Variants in PBX1 observed in about 807,000 individuals in gnomAD.
PBX1 encodes the protein pre-B-cell leukemia transcription factor 1.
A neutral mutation model predicts 53.4 loss-of-function variants in PBX1; 6 were observed. That is an observed-to-expected ratio of 0.11 (90% CI 0.06 to 0.22). The LOEUF is 0.22. Ranked by LOEUF, PBX1 falls within the 10% of genes least tolerant of loss-of-function variation. The pLI, the probability that PBX1 is intolerant of heterozygous loss-of-function variation, is 1.00. For synonymous variants in PBX1, 204 were observed against 212.3 expected, an observed-to-expected ratio of 0.96 and a Z score of 0.34; for missense variants, 251 against 551.4, an observed-to-expected ratio of 0.46 and a Z score of 5.46.
intron 1 of PBX1, chr1:164,562,796 C>T (rs1379489944): frequency 6.6e-6 from 1 of 152,412 alleles, no homozygotes; most frequent in Admixed American, 6.5e-5. Context: ...TGAATTCGAA[C>T]ACATGGATGA....
chr1:164,785,824 G>A (rs1027861299), intron 2 of PBX1, among the ~76,000 whole-genome samples: 1 of 152,180 alleles, frequency 6.6e-6, no homozygotes, highest in African/African-American at 2.4e-5. Flanking sequence ...CCCTCACAGA[G>A]TGCTTCTTCC....
At position 164,762,296 on chromosome 1, in the gene PBX1, T is replaced by C. The variant is rs76161257; in HGVS notation, c.266-30198T>C. Among the ~76,000 whole-genome samples, 312 of 152,258 alleles carry C rather than the reference T, an allele frequency of 2.0e-3. 5 individuals carry two copies. The East Asian group carries it at 0.043, about 21-fold the overall frequency. On this transcript the variant is annotated intron_variant, in intron 2 of 8. Transcript: ENST00000420696. The stretch of plus-strand genomic sequence containing the variant: ...TAAGAGCTCTGATGCCCTAGGTCAA[T>C]ACAGGTTGGCAGAAGCAGCATAGTT...
chr1:164,870,836 G>A (rs1169012110), intron 2 of PBX1, among the ~76,000 whole-genome samples: 1 of 152,160 alleles, frequency 6.6e-6, no homozygotes, highest in Non-Finnish European at 1.5e-5. Context: ...CAGGGTTCCA[G>A]TGGGAGGCCA....
At chr1:164,789,711 C>A (rs1668395601) in intron 2 of PBX1, among the ~76,000 whole-genome samples, 1 of 152,216 alleles carries the variant, frequency 6.6e-6, no homozygotes, top group African/African-American at 2.4e-5. Context: ...TGTTGGGCCG[C>A]ATGCAGGACC....
chr1:164,780,454 C>T (rs1296264147), intron 2 of PBX1, among the ~76,000 whole-genome samples: 1 of 152,154 alleles, frequency 6.6e-6, no homozygotes, highest in African/African-American at 2.4e-5. Flanking sequence ...AATTTGAATG[C>T]TCGCACTCAA....
chr1:164,785,216 G>C (rs1048182421), intron 2 of PBX1, among the ~76,000 whole-genome samples: 27 of 152,130 alleles, frequency 1.8e-4, no homozygotes, highest in African/African-American at 6.5e-4. Context: ...ATGCTGACTT[G>C]TAAAATTTAG....
At chr1:164,643,745 T>C (rs992972910) in intron 2 of PBX1, among the ~76,000 whole-genome samples, 4 of 152,242 alleles carry the variant, frequency 2.6e-5, no homozygotes, top group African/African-American at 7.2e-5. Flanking sequence ...AGAAGCAAAG[T>C]TATCACATAT....
chr1:164,838,847 C>G (rs974090036), intron 8 of PBX1, among the ~76,000 whole-genome samples: 2 of 152,190 alleles, frequency 1.3e-5, no homozygotes, highest in Non-Finnish European at 2.9e-5. Context: ...TCAAAGCCAT[C>G]ATTTCTCCTT....
chr1:164,672,548 A>G (rs1305171036), intron 2 of PBX1, among the ~76,000 whole-genome samples: 1 of 152,190 alleles, frequency 6.6e-6, no homozygotes, highest in Non-Finnish European at 1.5e-5. Context: ...GTTGAGTCTT[A>G]GAGGTTCTTG....
At chr1:164,795,726 TATC>T (rs1363990643) in intron 3 of PBX1, among the ~76,000 whole-genome samples, 1 of 152,180 alleles carries the variant, frequency 6.6e-6, no homozygotes, top group African/African-American at 2.4e-5. Context: ...GTCTGAGAGA[TATC>T]TTCTTCATTT....
intron 2 of PBX1, among the ~76,000 whole-genome samples, chr1:164,615,427 T>C (rs967181425): frequency 6.6e-6 from 1 of 152,202 alleles, no homozygotes; most frequent in African/African-American, 2.4e-5. Context: ...CATTCTTTTT[T>C]TTAGAATAAT....
At chr1:164,865,638 C>G (rs1397506318) in intron 2 of PBX1, among the ~76,000 whole-genome samples, 2 of 152,144 alleles carry the variant, frequency 1.3e-5, no homozygotes, top group African/African-American at 4.8e-5. Context: ...TGAGGCTGAT[C>G]CACTTTCCAA....
intron 2 of PBX1, among the ~76,000 whole-genome samples, chr1:164,625,061 T>G (rs77209080): frequency 0.023 from 3,496 of 152,286 alleles, 128 homozygotes; most frequent in African/African-American, 0.079. Flanking sequence ...ATGAAGAACA[T>G]GTTACACCAT....
chr1:164,820,379 T>C (rs1210485984), intron 7 of PBX1, among the ~76,000 whole-genome samples, 195 bp downstream of exon 7: 1 of 152,194 alleles, frequency 6.6e-6, no homozygotes, highest in Non-Finnish European at 1.5e-5. Context: ...TGCATTTGGC[T>C]CTGGCTTTTC....
intron 2 of PBX1, among the ~76,000 whole-genome samples, chr1:164,719,568 G>A (rs1461865124): frequency 6.6e-6 from 1 of 152,130 alleles, no homozygotes; most frequent in Non-Finnish European, 1.5e-5. Context: ...AGAATTTCTG[G>A]ATACGGGGAG....
chr1:164,870,692 T>C (rs1672362366), intron 2 of PBX1, among the ~76,000 whole-genome samples: 1 of 152,192 alleles, frequency 6.6e-6, no homozygotes, highest in Non-Finnish European at 1.5e-5. Context: ...TTTGTGCTTT[T>C]GAATTCTAAC....
At chr1:164,843,840 A>G (rs961915888) in intron 8 of PBX1, among the ~76,000 whole-genome samples, 8 of 152,284 alleles carry the variant, frequency 5.3e-5, no homozygotes, top group Admixed American at 3.3e-4. Flanking sequence ...CCTTCTGGGC[A>G]ATATAGAATG....
At chr1:164,807,402 C>G in intron 4 of PBX1, 140 bp from the exon 5 acceptor site, 1 of 988,622 alleles carries the variant, frequency 1.0e-6, no homozygotes, top group South Asian at 1.8e-5. Context: ...GTTTTGGCAT[C>G]CAGCCCCTTT....
At chr1:164,812,213 C>T (rs1571453929) in intron 6 of PBX1, 64 bp downstream of exon 6, 1 of 1,411,736 alleles carries the variant, frequency 7.1e-7, no homozygotes, top group East Asian at 2.4e-5. Context: ...ACTGGCTGTT[C>T]CTACATTGGG....
Sources: gnomAD v4.1 joint callset for allele counts (sites outside exome capture counted in the v4.1 genomes callset) on GRCh38, gnomAD v4.1.1 for gene constraint, MANE v1.5 for transcripts, NCBI Gene and HGNC (gene_info 2026-07-23, HGNC 2026-07-21) for gene names.